STAG1: variants seen among roughly 807,000 people sequenced by gnomAD.
The protein encoded by STAG1 is STAG1 cohesin complex component, also known as cohesin subunit SA-1.
A neutral mutation model predicts 170.9 loss-of-function variants in STAG1; 26 were observed. The observed-to-expected ratio is 0.15, with a 90% CI of 0.11 to 0.21. The LOEUF (loss-of-function observed/expected upper bound fraction) is 0.21. STAG1 is among the 10% of genes least tolerant of loss of function. The pLI is 1.00. For synonymous variants in STAG1, 514 were observed against 497.7 expected (o/e 1.03, Z -0.44); for missense variants, 964 against 1,509.5 (o/e 0.64, Z 5.99).
intron 26 of STAG1, among the ~76,000 whole-genome samples, chr3:136,360,890 G>T (rs557226371): frequency 2.0e-5 from 3 of 152,108 alleles, no homozygotes; most frequent in African/African-American, 7.2e-5. Flanking sequence ...GGATGGTCTC[G>T]ATCTCCTGAT....
At chr3:136,457,821 C>A (rs1362979627) in intron 13 of STAG1, among the ~76,000 whole-genome samples, 1 of 152,084 alleles carries the variant, frequency 6.6e-6, no homozygotes, top group East Asian at 1.9e-4. Context: ...TGGGGCCAGG[C>A]ATGGTGATTC....
At chr3:136,622,193 G>C (rs1041923208) in intron 3 of STAG1, among the ~76,000 whole-genome samples, 5 of 151,050 alleles carry the variant, frequency 3.3e-5, no homozygotes, top group Admixed American at 3.3e-4. Context: ...GATGGTGAGG[G>C]CCTATAATCC....
intron 6 of STAG1, among the ~76,000 whole-genome samples, chr3:136,528,678 AG>A (rs1935206329): frequency 6.6e-6 from 1 of 152,110 alleles, no homozygotes; most frequent in Non-Finnish European, 1.5e-5. Flanking sequence ...AGTCAGGCGC[AG>A]GGGCTCACAT....
chr3:136,451,671 G>C lies in STAG1; in HGVS notation c.1428+362C>G, dbSNP rs2088946430. ...CCAGCTACTCGGGAGGCTGAGGCAG[G>C]ACAAGCCCTTGAATCTGGGAGGCAG... is the stretch of plus-strand genomic sequence containing the variant. On this transcript the variant is annotated intron_variant, in intron 14 of 33. Transcript: ENST00000383202. 4.6e-5 allele frequency among the ~76,000 whole-genome samples: 7 copies of C among 151,994 alleles called. No individual in the cohort carries two copies. In the South Asian group the frequency reaches 1.5e-3, roughly 32 times the overall value.
chr3:136,690,056 C>CAAAAAAAAAAAAAAAAAAAAAAAAAAA (rs57082567), intron 1 of STAG1, among the ~76,000 whole-genome samples: 3 of 56,372 alleles, frequency 5.3e-5, no homozygotes, highest in African/African-American at 1.5e-4. Flanking sequence ...AAAAGCAAAC[C>CAAAAAAAAAAAAAAAAAAAAAAAAAAA]AAAAAAAAAA....
chr3:136,474,207 T>C (rs146290806), intron 10 of STAG1, among the ~76,000 whole-genome samples: 4 of 152,178 alleles, frequency 2.6e-5, no homozygotes, highest in African/African-American at 9.7e-5. Context: ...GTACAGGATG[T>C]TGATGATCAA....
rs184811228 is a variant in STAG1, at chr3:136,425,331, T to C, written c.1651-2287A>G. On this transcript the variant is annotated intron_variant, in intron 16 of 33. Transcript: ENST00000383202. Reference sequence around the variant, plus strand: ...AAGGTACAGAATAGTATATAAAGTATAGTATCTTTGGTAAAAGATTGGGGG... The same window carrying C: ...AAGGTACAGAATAGTATATAAAGTACAGTATCTTTGGTAAAAGATTGGGGG... Among the ~76,000 whole-genome samples, 378 of 152,258 alleles carry C rather than the reference T, an allele frequency of 2.5e-3. 2 individuals are homozygous for C. Among genetic ancestry groups the C allele is most frequent in the African/African-American group, 8.4e-3 (349 of 41,552 alleles).
chr3:136,719,458 AC>A (rs1933077685), intron 1 of STAG1, among the ~76,000 whole-genome samples: 1 of 151,960 alleles, frequency 6.6e-6, no homozygotes, highest in African/African-American at 2.4e-5. Flanking sequence ...AATTAACTAA[AC>A]ATCACTGAAT....
chr3:136,693,415 A>G (rs563451343), intron 1 of STAG1, among the ~76,000 whole-genome samples: 1 of 152,224 alleles, frequency 6.6e-6, no homozygotes, highest in Non-Finnish European at 1.5e-5. Flanking sequence ...AAAAACCCCA[A>G]TGTGTCCTCA....
chr3:136,738,206 T>G (rs1298612149), intron 1 of STAG1, among the ~76,000 whole-genome samples: 1 of 151,782 alleles, frequency 6.6e-6, no homozygotes, highest in Non-Finnish European at 1.5e-5. Context: ...AGATACAAAT[T>G]TTCACCAGGC....
At chr3:136,543,871 T>C (rs1453735409) in intron 5 of STAG1, among the ~76,000 whole-genome samples, 1 of 152,218 alleles carries the variant, frequency 6.6e-6, no homozygotes, top group Non-Finnish European at 1.5e-5. Flanking sequence ...TACTCAGTAT[T>C]AGACTCTCCT....
At chr3:136,560,167 C>T (rs1936783809) in intron 5 of STAG1, among the ~76,000 whole-genome samples, 1 of 152,076 alleles carries the variant, frequency 6.6e-6, no homozygotes, top group African/African-American at 2.4e-5. Flanking sequence ...CTGAGGCATC[C>T]GGAACTTCTC....
rs10592920 is a variant in STAG1, at chr3:136,642,264, C to CTTTTTTT, written c.-83-11290_-83-11284dup. On this transcript the variant is annotated intron_variant, in intron 1 of 33. Coordinates refer to ENST00000383202, the MANE Select transcript of STAG1 (RefSeq NM_005862.3). ...ACGTACTGTGTAACAGACAGAATTT[C>CTTTTTTT]TTTTTTTTTTTTTTTTTTTTTTTTT... is the stretch of plus-strand genomic sequence containing the variant. 3.5e-5 allele frequency among the ~76,000 whole-genome samples: 3 copies of CTTTTTTT among 84,954 alleles called. 1 individual carries two copies. The highest frequency in any genetic ancestry group is 8.3e-5 in the African/African-American group (2 of 23,954). The allele number at this position is 84,954 out of a possible 152,430, so 55.7% of individuals were successfully genotyped here. A position where few individuals can be genotyped will look rare whatever the true frequency, so the allele number is the denominator to read the frequency against.
At chr3:136,347,703 G>C (rs1380396327) in intron 29 of STAG1, among the ~76,000 whole-genome samples, 1 of 152,198 alleles carries the variant, frequency 6.6e-6, no homozygotes, top group Non-Finnish European at 1.5e-5. Flanking sequence ...ATGCTAGATA[G>C]ATATGAGGCA....
intron 1 of STAG1, among the ~76,000 whole-genome samples, chr3:136,721,078 G>C (rs1034404338): frequency 3.9e-5 from 6 of 152,146 alleles, no homozygotes; most frequent in African/African-American, 1.4e-4. Flanking sequence ...TTAGACATTG[G>C]AAGTGTATAA....
At chr3:136,369,675 T>C (rs1051978291) in intron 23 of STAG1, among the ~76,000 whole-genome samples, 6 of 152,172 alleles carry the variant, frequency 3.9e-5, no homozygotes, top group African/African-American at 9.7e-5. Flanking sequence ...TAGAAATCAA[T>C]TGTATACTGC....
chr3:136,551,291 A>G (rs1466203235), intron 5 of STAG1, among the ~76,000 whole-genome samples: 1 of 143,234 alleles, frequency 7.0e-6, no homozygotes, highest in African/African-American at 2.6e-5. Context: ...TCTGTTGCCC[A>G]GGCTGGAGTG....
chr3:136,407,102 C>A (rs1345639555), intron 21 of STAG1, among the ~76,000 whole-genome samples: 1 of 152,218 alleles, frequency 6.6e-6, no homozygotes, highest in Non-Finnish European at 1.5e-5. Context: ...TCTCAGCTCA[C>A]TGCAACCTCG....
chr3:136,449,546 CA>C (rs1422521284), intron 14 of STAG1, among the ~76,000 whole-genome samples: 1 of 143,250 alleles, frequency 7.0e-6, no homozygotes, highest in Non-Finnish European at 1.5e-5. Context: ...AGTGACAGAG[CA>C]AGACTCTGTC....
Sources: allele counts gnomAD v4.1 joint callset (sites outside exome capture counted in the v4.1 genomes callset), GRCh38; gene constraint gnomAD v4.1.1; transcripts MANE v1.5; gene names NCBI Gene and HGNC (gene_info 2026-07-23, HGNC 2026-07-21).